Variants in IFNAR1 observed in about 807,000 individuals in gnomAD.
IFNAR1 encodes interferon alpha/beta receptor 1.
In IFNAR1, 47 loss-of-function variants were observed where a neutral mutation model predicts 62.1. The ratio of observed to expected loss-of-function variants is 0.76; its 90% CI spans 0.60 to 0.97. The LOEUF is 0.97. Ranked by LOEUF, IFNAR1 falls within the 50% of genes least tolerant of loss-of-function variation. The pLI is 0.00. For synonymous variants in IFNAR1, 219 were observed against 226.9 expected, an observed-to-expected ratio of 0.97 and a Z score of 0.31; for missense variants, 638 against 654.5, an observed-to-expected ratio of 0.97 and a Z score of 0.27.
chr21:33,348,080 G>A (rs1256011744), intron 6 of IFNAR1, among the ~76,000 whole-genome samples: 1 of 152,190 alleles, frequency 6.6e-6, no homozygotes, highest in African/African-American at 2.4e-5. Context: ...GGCTATTAGA[G>A]TTCTGGGCTT....
At chr21:33,334,554 ACTGCC>A (rs1171938010) in intron 1 of IFNAR1, 3 of 516,108 alleles carry the variant, frequency 5.8e-6, no homozygotes, top group Non-Finnish European at 7.7e-6. Flanking sequence ...TACCGCTAGA[ACTGCC>A]CTGCGAGAAA....
intron 2 of IFNAR1, among the ~76,000 whole-genome samples, chr21:33,339,227 G>C (rs2083272356): frequency 6.6e-6 from 1 of 152,096 alleles, no homozygotes; most frequent in Non-Finnish European, 1.5e-5. Context: ...TTTATAATGA[G>C]AGTTTCTGGA....
At chr21:33,331,093 G>A (rs2083174946) in intron 1 of IFNAR1, among the ~76,000 whole-genome samples, 1 of 152,282 alleles carries the variant, frequency 6.6e-6, no homozygotes, top group African/African-American at 2.4e-5. Flanking sequence ...CCAGGCTGGT[G>A]GCTCAACATC....
intron 3 of IFNAR1, among the ~76,000 whole-genome samples, chr21:33,341,651 G>C (rs115296477): frequency 1.3e-5 from 2 of 151,848 alleles, no homozygotes; most frequent in Non-Finnish European, 2.9e-5. Context: ...GCAAATGTTT[G>C]TTACCATAAA....
intron 10 of IFNAR1, among the ~76,000 whole-genome samples, chr21:33,354,925 C>T (rs2254305): frequency 0.78 from 117,811 of 151,842 alleles, 46,017 homozygotes; most frequent in East Asian, 0.99. Flanking sequence ...TTACAATAGC[C>T]AATAATTTCT....
intron 1 of IFNAR1, among the ~76,000 whole-genome samples, chr21:33,331,265 C>T (rs1367477398): frequency 3.9e-5 from 6 of 152,164 alleles, no homozygotes; most frequent in African/African-American, 1.4e-4. Flanking sequence ...AGTCATGCAC[C>T]CCTGTGCCTA....
intron 3 of IFNAR1, among the ~76,000 whole-genome samples, chr21:33,342,572 C>T (rs932719432): frequency 2.6e-5 from 4 of 151,670 alleles, no homozygotes; most frequent in African/African-American, 7.3e-5. Context: ...TGGCCAGGCG[C>T]GGTGGCTCAC....
rs536944161 is a variant in IFNAR1, at chr21:33,350,466, G to A, written c.1143+923G>A. Among the ~76,000 whole-genome samples the A allele has an allele frequency of 2.6e-5, 4 of 152,024 alleles. No individual in the cohort carries two copies. The South Asian group carries it at 8.3e-4, about 32-fold the overall frequency. On this transcript the variant is annotated intron_variant, in intron 8 of 10. Transcript: ENST00000270139. The stretch of plus-strand genomic sequence containing the variant: ...TTCCTTAGTATTTAATTTTATGATG[G>A]GGGAAGGATTAGGAAAAAATTGCCC...
rs1167818430 is a variant in IFNAR1 at position 33,355,442 on chromosome 21, G to A, written c.1567G>A (p.Asp523Asn). Residue 523 changes from aspartate to asparagine, a missense_variant, in exon 11 of 11, where the codon GAT (aspartate) becomes AAT (asparagine). Asp to Asn is a conservative substitution (Grantham distance 23). Transcript: ENST00000270139. The stretch of plus-strand genomic sequence containing the variant: ...AGAAGAAACTAATCAAACTGATGAA[G>A]ATCATAAAAAATACAGTTCCCAAAC... ...TVEETNQTDE[D>N]HKKYSSQTSQ... 3 of 1,600,282 alleles carry A rather than the reference G, an allele frequency of 1.9e-6. No individual in the cohort carries two copies. Among genetic ancestry groups the A allele is most frequent in the East Asian group, 4.5e-5 (2 of 44,742 alleles).
chr21:33,345,293 A>C lies in IFNAR1; in HGVS notation c.721A>C (p.Asn241His), dbSNP rs753876633. ...PPENIEVSVQ[N>H]QNYVLKWDYT... Reference sequence around the variant, plus strand: ...AGAAAATATAGAAGTCAGTGTCCAAAATCAGAACTATGTTCTTAAATGGGA... The same window carrying C: ...AGAAAATATAGAAGTCAGTGTCCAACATCAGAACTATGTTCTTAAATGGGA... Residue 241 changes from asparagine to histidine, a missense_variant, in exon 6 of 11, where the codon AAT (asparagine) becomes CAT (histidine). Transcript: ENST00000270139. 1 of 1,607,958 alleles carries C rather than the reference A, an allele frequency of 6.2e-7. No homozygotes were observed. Among genetic ancestry groups the C allele is most frequent in the African/African-American group, 1.3e-5 (1 of 74,916 alleles).
chr21:33,348,258 A>AG (rs1341040907), intron 6 of IFNAR1, among the ~76,000 whole-genome samples: 5 of 152,156 alleles, frequency 3.3e-5, no homozygotes, highest in Non-Finnish European at 7.3e-5. Context: ...AGAAAGAAAA[A>AG]GTCCTATTTT....
In IFNAR1 at chr21:33,341,026, G is replaced by T. The variant is rs762760324; in HGVS notation, c.228G>T (p.Leu76Phe). 16 of 1,610,734 alleles carry T rather than the reference G, an allele frequency of 9.9e-6. No homozygotes were observed. The highest frequency in any genetic ancestry group is 1.2e-5 in the Non-Finnish European group (14 of 1,177,640). Residue 76 changes from leucine to phenylalanine, a missense_variant, in exon 3 of 11, where the codon TTG becomes TTT. Physicochemically the swap from Leu to Phe is conservative, Grantham distance 22. Transcript: ENST00000270139. The part of the protein sequence containing the change: ...QKTGMDNWIK[L>F]SGCQNITSTK... ...CTGGGATGGATAATTGGATAAAATT[G>T]TCTGGGTGTCAGAATATTACTAGTA...
At chr21:33,337,718 C>T (rs2856967) in intron 2 of IFNAR1, among the ~76,000 whole-genome samples, 4 of 130,482 alleles carry the variant, frequency 3.1e-5, no homozygotes, top group Non-Finnish European at 7.0e-5. Context: ...ATTGTGTATA[C>T]ATACATATAC....
Position 33,345,565 on chromosome 21 carries a change from T to C in IFNAR1, c.788+205T>C, listed in dbSNP as rs572787575. ...CATTGAGCTAATCGCTTAACCTCCA[T>C]GGGCCTCAATTTCTTCACTTGTAAA... On this transcript the variant is annotated intron_variant, in intron 6 of 10. Coordinates refer to ENST00000270139, the MANE Select transcript of IFNAR1 (RefSeq NM_000629.3). Among the ~76,000 whole-genome samples the C allele has an allele frequency of 2.6e-5, 4 of 152,338 alleles. 1 individual carries two copies. Among genetic ancestry groups the C allele is most frequent in the African/African-American group, 7.2e-5 (3 of 41,578 alleles).
intron 8 of IFNAR1, among the ~76,000 whole-genome samples, chr21:33,350,274 A>G (rs2083386903): frequency 6.7e-6 from 1 of 150,300 alleles, no homozygotes. Flanking sequence ...AGTTGTGACA[A>G]CCAAAAACAT....
In IFNAR1 at chr21:33,324,992, T is replaced by A; in HGVS notation, c.-64T>A. 1 of 1,454,400 alleles carries A rather than the reference T, an allele frequency of 6.9e-7. No individual in the cohort carries two copies. 90.1% of individuals were successfully genotyped at this position (1,454,400 alleles called of 1,614,324 possible). A position where few individuals can be genotyped will look rare whatever the true frequency, so the allele number is the denominator to read the frequency against. ...GGCGGTGTGACTTAGGACGGGGCGA[T>A]GGCGGCTGAGAGGAGCTGCGCGTGC... is the stretch of plus-strand genomic sequence containing the variant. On this transcript the variant is annotated 5_prime_UTR_variant, in exon 1 of 11. It removes an upstream start codon present in the reference 5' UTR. Transcript: ENST00000270139.
At chr21:33,342,263 T>C (rs913890379) in intron 3 of IFNAR1, among the ~76,000 whole-genome samples, 1 of 151,840 alleles carries the variant, frequency 6.6e-6, no homozygotes, top group Non-Finnish European at 1.5e-5. Flanking sequence ...ATATAAAAAT[T>C]AGCCAGGCAT....
rs1290906596 is a variant in IFNAR1, at chr21:33,349,487, C to T, written c.1087C>T (p.Gln363Ter). The T allele has an allele frequency of 6.2e-7, 1 of 1,611,768 alleles. No individual in the cohort carries two copies. Among genetic ancestry groups the T allele is most frequent in the Non-Finnish European group, 8.5e-7 (1 of 1,178,282 alleles). Residue 363 changes from glutamine to a stop codon, truncating the protein, a stop_gained, in exon 8 of 11, where the codon CAG (glutamine) becomes TAG (stop). Transcript: ENST00000270139. LOFTEE classifies it high-confidence loss of function. Reference protein sequence around the residue: ...PKQSGNTPVIQDYPLIYEIIF... With the variant: ...PKQSGNTPVI ...ACAGTCTGGAAACACGCCTGTGATCCAGGATTATCCACTGATTTATGAAAT... is the reference window on the plus strand; with the variant it reads ...ACAGTCTGGAAACACGCCTGTGATCTAGGATTATCCACTGATTTATGAAAT...
chr21:33,352,757 G>T lies in IFNAR1; in HGVS notation c.1144-1G>T. 6.9e-7 allele frequency: 1 copy of T among 1,459,698 alleles called. No homozygotes were observed. The highest frequency in any genetic ancestry group is 1.3e-5 in the South Asian group (1 of 78,192). The allele number at this position is 1,459,698 out of a possible 1,614,324, so 90.4% of individuals were successfully genotyped here. A position where few individuals can be genotyped will look rare whatever the true frequency, so the allele number is the denominator to read the frequency against. The stretch of plus-strand genomic sequence containing the variant: ...ATCAGTGATTTAATTATATTTTCTA[G>T]AGAAAAATTATCGAGAAAAAAACTG... On this transcript the variant is annotated splice_acceptor_variant, in intron 8 of 10. Coordinates refer to ENST00000270139, the MANE Select transcript of IFNAR1 (RefSeq NM_000629.3). LOFTEE classifies it high-confidence loss of function.
Sources: allele counts gnomAD v4.1 joint callset (sites outside exome capture counted in the v4.1 genomes callset), GRCh38; gene constraint gnomAD v4.1.1; transcripts MANE v1.5; gene names NCBI Gene and HGNC (gene_info 2026-07-23, HGNC 2026-07-21).